Variants in AFDN observed in about 807,000 individuals in gnomAD.
AFDN encodes the protein afadin.
Under a neutral mutation model 216.6 loss-of-function variants are expected in AFDN, and 68 were observed. The ratio of observed to expected loss-of-function variants is 0.31; its 90% CI spans 0.26 to 0.38. The LOEUF (loss-of-function observed/expected upper bound fraction) is 0.38. AFDN is among the 10% of genes least tolerant of loss of function. The probability of loss-of-function intolerance (pLI) is 1.00; values close to 1 mark genes in which losing one functional copy is unlikely to be tolerated. For synonymous variants in AFDN, 868 were observed against 853.7 expected (o/e 1.02, Z -0.29); for missense variants, 2,136 against 2,342.0 (o/e 0.91, Z 1.82).
intron 7 of AFDN, among the ~76,000 whole-genome samples, chr6:167,889,948 G>A (rs768524114): frequency 1.7e-4 from 26 of 152,280 alleles, no homozygotes; most frequent in Middle Eastern, 6.8e-3. Context: ...CCTATAGATT[G>A]TCCAGTGATT....
chr6:167,954,427 C>CTTTT, intron 30 of AFDN: 1 of 1,197,826 alleles, frequency 8.3e-7, no homozygotes, highest in South Asian at 1.6e-5. Flanking sequence ...CTTCATCTTT[C>CTTTT]TTTTTTTTTT....
At chr6:167,961,877 C>T (rs1797071121) in intron 30 of AFDN, among the ~76,000 whole-genome samples, 1 of 152,108 alleles carries the variant, frequency 6.6e-6, no homozygotes, top group African/African-American at 2.4e-5. Flanking sequence ...TGGTAAAGGG[C>T]AGAGGAGAGA....
intron 2 of AFDN, among the ~76,000 whole-genome samples, chr6:167,869,103 AGCAGTTT>A (rs1784521596): frequency 6.6e-6 from 1 of 152,036 alleles, no homozygotes; most frequent in Admixed American, 6.6e-5. Flanking sequence ...TGCAAAGTAT[AGCAGTTT>A]GCAGTTTGTG....
intron 2 of AFDN, among the ~76,000 whole-genome samples, chr6:167,867,432 C>CT (rs766749834): frequency 0.011 from 1,552 of 137,090 alleles, 13 homozygotes; most frequent in African/African-American, 0.027. Flanking sequence ...TTTTTCTTTT[C>CT]TTTTTTTTTT....
intron 23 of AFDN, among the ~76,000 whole-genome samples, chr6:167,930,632 G>C (rs529191544): frequency 6.6e-6 from 1 of 152,322 alleles, no homozygotes; most frequent in African/African-American, 2.4e-5. Context: ...GTGTCAGCAA[G>C]CTTTTTCTGT....
chr6:167,832,670 T>G (rs1199432144), intron 1 of AFDN, among the ~76,000 whole-genome samples: 1 of 152,358 alleles, frequency 6.6e-6, no homozygotes, highest in African/African-American at 2.4e-5. Context: ...AGTTTTATAC[T>G]TACAAATTTA....
At chr6:167,929,586 A>G (rs181971475) in intron 23 of AFDN, among the ~76,000 whole-genome samples, 2 of 152,322 alleles carry the variant, frequency 1.3e-5, no homozygotes, top group East Asian at 3.9e-4. Flanking sequence ...TTAGAGCAGG[A>G]CACTCCAAAA....
rs533103366 is a variant in AFDN, at chr6:167,918,728, C to T, written c.2710-7C>T. On this transcript the variant is annotated splice_region_variant and splice_polypyrimidine_tract_variant and intron_variant, in intron 20 of 33. Coordinates refer to ENST00000683244, the MANE Select transcript of AFDN (RefSeq NM_001386888.1). ...TCTTTTTAATTTTGCGTTTGTTTTC[C>T]AAACAGGATCTTATAGAAAATGTAG... The T allele has an allele frequency of 2.5e-6, 4 of 1,613,946 alleles. No individual in the cohort carries two copies. In the South Asian group the frequency reaches 4.4e-5, roughly 18 times the overall value.
At chr6:167,849,656 A>C (rs2128170100) in intron 1 of AFDN, among the ~76,000 whole-genome samples, 1 of 152,302 alleles carries the variant, frequency 6.6e-6, no homozygotes, top group South Asian at 2.1e-4. Flanking sequence ...CTATATGTGT[A>C]TGTGTTAGCC....
intron 22 of AFDN, 27 bp downstream of exon 22, chr6:167,922,986 T>C (rs1220495199): frequency 6.8e-7 from 1 of 1,460,344 alleles, no homozygotes; most frequent in Non-Finnish European, 9.6e-7. Flanking sequence ...TACCATGAAG[T>C]GAAATGGATC....
chr6:167,858,816 T>C (rs1180602963), intron 1 of AFDN, among the ~76,000 whole-genome samples: 2 of 152,326 alleles, frequency 1.3e-5, no homozygotes, highest in East Asian at 3.9e-4. Flanking sequence ...GTCCATACTT[T>C]ACTGTGCTCA....
chr6:167,964,474 A>T, intron 31 of AFDN: 2 of 1,065,562 alleles, frequency 1.9e-6, no homozygotes, highest in Non-Finnish European at 2.3e-6. Flanking sequence ...CAAGAAGATG[A>T]GAGTCTTTCC....
At chr6:167,877,353 G>A (rs1346334202) in intron 5 of AFDN, among the ~76,000 whole-genome samples, 2 of 152,172 alleles carry the variant, frequency 1.3e-5, no homozygotes, top group Admixed American at 1.3e-4. Context: ...GGCGATTAGG[G>A]TTTGGGAGTG....
intron 28 of AFDN, 168 bp from the exon 29 acceptor site, chr6:167,948,125 A>G: frequency 1.3e-6 from 1 of 787,732 alleles, no homozygotes; most frequent in Non-Finnish European, 2.0e-6. Flanking sequence ...TTTTAAATTA[A>G]TAAGTCTGGG....
rs1415787522 is a variant in AFDN, at chr6:167,962,775, T to G, written c.4968+208T>G. On this transcript the variant is annotated intron_variant, in intron 31 of 33. Transcript: ENST00000683244. This position sits in a 1 kb window ranked among gnomAD's most constrained non-coding sequence, Gnocchi z 5.2. ...TCTGGACTGTCTCCAGATCCCCTTA[T>G]CTGCCAAGTTTTGTCTCCTTCAAAC... The G allele has an allele frequency of 2.9e-6, 4 of 1,400,508 alleles. No homozygotes were observed. The highest frequency in any genetic ancestry group is 1.9e-6 in the Non-Finnish European group (2 of 1,078,398). The allele number at this position is 1,400,508 out of a possible 1,614,324, so 86.8% of individuals were successfully genotyped here.
intron 23 of AFDN, among the ~76,000 whole-genome samples, chr6:167,936,690 TCTGACCAGCAGCAGA>T (rs1185317910): frequency 6.6e-6 from 1 of 152,080 alleles, no homozygotes; most frequent in Non-Finnish European, 1.5e-5. Flanking sequence ...TGCTGAGGCA[TCTGACCAGCAGCAGA>T]GGCAGGGATG....
At chr6:167,871,059 G>A (rs1017897327) in intron 3 of AFDN, among the ~76,000 whole-genome samples, 3 of 152,132 alleles carry the variant, frequency 2.0e-5, no homozygotes, top group Non-Finnish European at 4.4e-5. Context: ...ACAAGTGATA[G>A]CAAATGCAAA....
intron 1 of AFDN, 151 bp from the exon 2 acceptor site, chr6:167,864,400 G>A (rs1428584130): frequency 4.9e-6 from 4 of 814,930 alleles, no homozygotes. Flanking sequence ...GAAACTTGAA[G>A]ACTAAAAACC....
chr6:167,966,778 G>A (rs1797609347), intron 32 of AFDN, among the ~76,000 whole-genome samples: 1 of 152,202 alleles, frequency 6.6e-6, no homozygotes, highest in African/African-American at 2.4e-5. Context: ...GGTTGGTGTG[G>A]CCGGAGCATC....
Sources: allele counts gnomAD v4.1 joint callset (sites outside exome capture counted in the v4.1 genomes callset), GRCh38; gene constraint gnomAD v4.1.1; non-coding constraint Gnocchi (gnomAD v3.1); transcripts MANE v1.5; gene names NCBI Gene and HGNC (gene_info 2026-07-23, HGNC 2026-07-21).